The following GPC5 variants were observed in gnomAD, a reference collection of about 807,000 sequenced individuals.
GPC5 encodes the protein glypican 5.
GPC5 carries 47 observed loss-of-function variants against 53.9 expected under a neutral mutation model. The observed-to-expected ratio is 0.87, with a 90% CI of 0.69 to 1.11. The LOEUF is 1.11. Ranked by LOEUF, GPC5 falls within the 50% of genes most tolerant of loss-of-function variation. The pLI, the probability that GPC5 is intolerant of heterozygous loss-of-function variation, is 0.00. For missense variants in GPC5, 748 were observed against 713.1 expected (o/e 1.05, Z -0.56); for synonymous variants, 286 against 263.3 (o/e 1.09, Z -0.84).
chr13:92,276,781 C>A (rs2042878707), intron 7 of GPC5, among the ~76,000 whole-genome samples: 1 of 151,984 alleles, frequency 6.6e-6, no homozygotes, highest in Non-Finnish European at 1.5e-5. Flanking sequence ...GTATAATGAC[C>A]TGCTATAGAT....
intron 5 of GPC5, among the ~76,000 whole-genome samples, chr13:91,897,354 T>TGC (rs1338335103): frequency 7.3e-6 from 1 of 137,806 alleles, no homozygotes; most frequent in Non-Finnish European, 1.6e-5. Context: ...TGTGTGTGTG[T>TGC]GTGTGTGTGT....
intron 6 of GPC5, among the ~76,000 whole-genome samples, chr13:91,935,842 C>T (rs1050275320): frequency 5.3e-5 from 8 of 151,878 alleles, no homozygotes; most frequent in Non-Finnish European, 1.2e-4. Flanking sequence ...AACTGTATGA[C>T]AAATCACCAG....
At chr13:91,878,817 C>T (rs2039232627) in intron 5 of GPC5, among the ~76,000 whole-genome samples, 1 of 152,144 alleles carries the variant, frequency 6.6e-6, no homozygotes. Context: ...TTATAAATTA[C>T]CCAGTCTTGG....
chr13:92,674,460 C>T (rs186285632), intron 7 of GPC5, among the ~76,000 whole-genome samples: 170 of 152,050 alleles, frequency 1.1e-3, no homozygotes, highest in African/African-American at 3.9e-3. Context: ...GGAATAGCAT[C>T]GAGATAGGAC....
intron 2 of GPC5, among the ~76,000 whole-genome samples, chr13:91,597,052 C>T (rs2033020319): frequency 6.6e-6 from 1 of 152,158 alleles, no homozygotes; most frequent in Admixed American, 6.5e-5. Flanking sequence ...CTCCTCTGCC[C>T]ACTGCAAGGC....
rs548503509 is a variant in GPC5, at chr13:92,545,778, T to A, written c.1562-320504T>A. 2.0e-5 allele frequency among the ~76,000 whole-genome samples: 3 copies of A among 152,314 alleles called. No individual in the cohort carries two copies. The South Asian group carries it at 6.2e-4, about 32-fold the overall frequency. On this transcript the variant is annotated intron_variant, in intron 7 of 7. Coordinates refer to ENST00000377067, the MANE Select transcript of GPC5 (RefSeq NM_004466.6). The stretch of plus-strand genomic sequence containing the variant: ...TTTTTGATGGGGTTGTTTGTTTTTT[T>A]CTTGTAAATTTGTTTGAGTTCATTG...
chr13:92,632,485 T>TATATATATATATATATATATATATAC (rs138355646), intron 7 of GPC5, among the ~76,000 whole-genome samples: 1 of 137,648 alleles, frequency 7.3e-6, no homozygotes, highest in Non-Finnish European at 1.5e-5. Context: ...TATATATATA[T>TATATATATATATATATATATATATAC]ACACATATAT....
chr13:92,024,453 C>T (rs1261200709), intron 6 of GPC5, among the ~76,000 whole-genome samples: 1 of 152,096 alleles, frequency 6.6e-6, no homozygotes, highest in East Asian at 1.9e-4. Context: ...TCCCCACTTT[C>T]CCCTATTTCT....
At chr13:91,572,888 C>G (rs780217780) in intron 2 of GPC5, among the ~76,000 whole-genome samples, 53 of 152,154 alleles carry the variant, frequency 3.5e-4, no homozygotes, top group Non-Finnish European at 6.9e-4. Context: ...ATCCTTTTGT[C>G]AATCTGGGAC....
intron 7 of GPC5, among the ~76,000 whole-genome samples, chr13:92,638,804 G>A (rs1165507208): frequency 2.6e-5 from 4 of 152,142 alleles, no homozygotes; most frequent in African/African-American, 9.7e-5. Flanking sequence ...GGAGGAGTCA[G>A]CAGAGAAAGC....
chr13:91,415,310 T>C (rs914698278), intron 1 of GPC5, among the ~76,000 whole-genome samples: 4 of 152,176 alleles, frequency 2.6e-5, no homozygotes, highest in Admixed American at 6.5e-5. Flanking sequence ...ATCCCCTACA[T>C]GTGCAGGCAA....
At chr13:91,549,873 C>G (rs2030524243) in intron 2 of GPC5, among the ~76,000 whole-genome samples, 1 of 152,122 alleles carries the variant, frequency 6.6e-6, no homozygotes, top group Admixed American at 6.6e-5. Flanking sequence ...ACTAAGCATA[C>G]TCTTACACTA....
At chr13:92,837,620 AG>A (rs1482464256) in intron 7 of GPC5, among the ~76,000 whole-genome samples, 1 of 152,272 alleles carries the variant, frequency 6.6e-6, no homozygotes, top group African/African-American at 2.4e-5. Flanking sequence ...ATGTAGAGTA[AG>A]GGTTAAAAAT....
chr13:92,097,173 A>C (rs2041428498), intron 6 of GPC5, among the ~76,000 whole-genome samples: 1 of 152,178 alleles, frequency 6.6e-6, no homozygotes, highest in South Asian at 2.1e-4. Flanking sequence ...AGTGGCAGAA[A>C]GTTTAGCAGA....
intron 5 of GPC5, among the ~76,000 whole-genome samples, chr13:91,884,074 G>A (rs529871208): frequency 2.6e-5 from 4 of 152,060 alleles, no homozygotes; most frequent in Non-Finnish European, 5.9e-5. Context: ...CATTCAGAAT[G>A]GTTATTACTA....
intron 6 of GPC5, among the ~76,000 whole-genome samples, chr13:92,041,598 T>C (rs2040942485): frequency 6.6e-6 from 1 of 152,158 alleles, no homozygotes; most frequent in Non-Finnish European, 1.5e-5. Context: ...CCTAAAGCTG[T>C]GTCCATTCAA....
chr13:91,622,391 A>G (rs2033885292), intron 2 of GPC5, among the ~76,000 whole-genome samples: 1 of 152,144 alleles, frequency 6.6e-6, no homozygotes, highest in Non-Finnish European at 1.5e-5. Flanking sequence ...TAGAAATGTC[A>G]TTTCTACTTC....
intron 7 of GPC5, among the ~76,000 whole-genome samples, chr13:92,323,727 G>A (rs570182937): frequency 6.6e-6 from 1 of 151,752 alleles, no homozygotes; most frequent in South Asian, 2.1e-4. Context: ...ATTAAGAATA[G>A]AGTTTGTAAA....
At chr13:92,680,682 TAAAC>T (rs1284540060) in intron 7 of GPC5, among the ~76,000 whole-genome samples, 10 of 152,124 alleles carry the variant, frequency 6.6e-5, no homozygotes, top group Admixed American at 5.2e-4. Flanking sequence ...ATATCATTAA[TAAAC>T]AACATGACCA....
Sources: allele counts gnomAD v4.1 joint callset (sites outside exome capture counted in the v4.1 genomes callset), GRCh38; gene constraint gnomAD v4.1.1; transcripts MANE v1.5; gene names NCBI Gene and HGNC (gene_info 2026-07-23, HGNC 2026-07-21).